The following GALNTL6 variants were observed in gnomAD, a reference collection of about 807,000 sequenced individuals.
The protein encoded by GALNTL6 is polypeptide N-acetylgalactosaminyltransferase like 6, also known as polypeptide N-acetylgalactosaminyltransferase-like 6.
In GALNTL6, 46 loss-of-function variants were observed where a neutral mutation model predicts 73.7. The observed-to-expected ratio is 0.62, with a 90% CI of 0.49 to 0.80. GALNTL6 has a LOEUF of 0.80. Ranked by LOEUF, GALNTL6 falls within the 30% of genes least tolerant of loss-of-function variation. GALNTL6 has a pLI of 0.00. For missense variants in GALNTL6, 604 were observed against 755.0 expected (o/e 0.80, Z 2.34); for synonymous variants, 259 against 263.7 (o/e 0.98, Z 0.17).
intron 2 of GALNTL6, among the ~76,000 whole-genome samples, chr4:171,957,150 C>G (rs1258020302): frequency 1.3e-5 from 2 of 152,162 alleles, no homozygotes; most frequent in East Asian, 3.9e-4. Context: ...TCTGACTTTA[C>G]TGAACAGACA....
At chr4:172,758,970 T>C (rs188253520) in intron 5 of GALNTL6, among the ~76,000 whole-genome samples, 31 of 152,334 alleles carry the variant, frequency 2.0e-4, no homozygotes, top group African/African-American at 6.5e-4. Flanking sequence ...TCCACTCCCT[T>C]ACTAATAGAT....
intron 2 of GALNTL6, among the ~76,000 whole-genome samples, chr4:172,188,746 G>T (rs1735487730): frequency 6.6e-6 from 1 of 152,296 alleles, no homozygotes; most frequent in East Asian, 1.9e-4. Flanking sequence ...AGGGTGGTGG[G>T]TGGAGCATTT....
intron 5 of GALNTL6, among the ~76,000 whole-genome samples, chr4:172,761,124 G>A (rs1011626445): frequency 1.3e-5 from 2 of 152,086 alleles, no homozygotes; most frequent in African/African-American, 4.8e-5. Context: ...CAATGATGTT[G>A]TCCCTTCTAT....
intron 7 of GALNTL6, among the ~76,000 whole-genome samples, chr4:172,816,971 G>A (rs1741637974): frequency 6.6e-6 from 1 of 151,956 alleles, no homozygotes; most frequent in South Asian, 2.1e-4. Flanking sequence ...GCCGGGCATG[G>A]TGGTGGGTGC....
intron 5 of GALNTL6, among the ~76,000 whole-genome samples, chr4:172,596,071 G>A (rs1479758294): frequency 6.6e-6 from 1 of 151,968 alleles, no homozygotes; most frequent in East Asian, 1.9e-4. Context: ...TTTTAAATAC[G>A]ACTTTTCTTT....
intron 2 of GALNTL6, among the ~76,000 whole-genome samples, chr4:172,129,799 A>G (rs1228527820): frequency 6.6e-6 from 1 of 152,184 alleles, no homozygotes; most frequent in Non-Finnish European, 1.5e-5. Context: ...AGAACTTGCC[A>G]AAGTAAGAGT....
chr4:172,984,969 AC>A (rs796841818), intron 10 of GALNTL6, among the ~76,000 whole-genome samples: 2 of 151,930 alleles, frequency 1.3e-5, no homozygotes, highest in Admixed American at 1.3e-4. Context: ...AAGAACCTGT[AC>A]CCCCCAAAAA....
intron 3 of GALNTL6, among the ~76,000 whole-genome samples, chr4:172,262,580 C>T (rs985872513): frequency 2.0e-5 from 3 of 151,462 alleles, no homozygotes; most frequent in Non-Finnish European, 3.0e-5. Context: ...GCCATTCTGC[C>T]ATTCTGTATC....
chr4:172,191,794 C>T (rs745821977), intron 2 of GALNTL6, among the ~76,000 whole-genome samples: 6 of 152,226 alleles, frequency 3.9e-5, no homozygotes, highest in African/African-American at 7.2e-5. Flanking sequence ...CTTGAAATTG[C>T]GATTTGCCTC....
chr4:172,434,847 A>C (rs1255349481), intron 5 of GALNTL6, among the ~76,000 whole-genome samples: 1 of 151,904 alleles, frequency 6.6e-6, no homozygotes, highest in Admixed American at 6.6e-5. Flanking sequence ...TTCTGATCTC[A>C]TTTCTGTGGC....
At chr4:172,178,274 C>A (rs1400729931) in intron 2 of GALNTL6, among the ~76,000 whole-genome samples, 3 of 152,054 alleles carry the variant, frequency 2.0e-5, no homozygotes, top group Admixed American at 2.0e-4. Context: ...TATTTGAGTT[C>A]TATTTTCTTT....
chr4:172,133,429 A>G (rs1343497182), intron 2 of GALNTL6, among the ~76,000 whole-genome samples: 2 of 152,268 alleles, frequency 1.3e-5, no homozygotes, highest in African/African-American at 2.4e-5. Flanking sequence ...TCATTTCAAC[A>G]TATTTATTGA....
At chr4:172,411,538 T>C (rs183760695) in intron 5 of GALNTL6, among the ~76,000 whole-genome samples, 20 of 152,070 alleles carry the variant, frequency 1.3e-4, no homozygotes, top group Admixed American at 1.3e-3. Context: ...TTTCACATAT[T>C]ACATGGAAGA....
chr4:172,162,502 T>A (rs1253751080), intron 2 of GALNTL6, among the ~76,000 whole-genome samples: 1 of 151,990 alleles, frequency 6.6e-6, no homozygotes, highest in East Asian at 1.9e-4. Flanking sequence ...TTCACTCATT[T>A]ATAAAATAAA....
At chr4:172,593,500 G>A (rs1023531210) in intron 5 of GALNTL6, among the ~76,000 whole-genome samples, 1 of 152,170 alleles carries the variant, frequency 6.6e-6, no homozygotes, top group Admixed American at 6.5e-5. Context: ...AATATGGAGA[G>A]AGAAAATTAT....
At chr4:172,885,937 G>T (rs1402254667) in intron 8 of GALNTL6, among the ~76,000 whole-genome samples, 1 of 152,032 alleles carries the variant, frequency 6.6e-6, no homozygotes, top group Non-Finnish European at 1.5e-5. Flanking sequence ...TCTTTTTAAT[G>T]TCTTATTGAA....
chr4:172,115,275 A>G (rs1732955743), intron 2 of GALNTL6, among the ~76,000 whole-genome samples: 1 of 152,148 alleles, frequency 6.6e-6, no homozygotes, highest in Admixed American at 6.6e-5. Flanking sequence ...AGCTGTTAAT[A>G]AGATATAAAA....
At chr4:172,085,153 C>A (rs1020341233) in intron 2 of GALNTL6, among the ~76,000 whole-genome samples, 1 of 151,922 alleles carries the variant, frequency 6.6e-6, no homozygotes, top group African/African-American at 2.4e-5. Flanking sequence ...TGATTAAGTA[C>A]AAATCATAGG....
At chr4:171,834,486 A>G (rs1173648242) in intron 2 of GALNTL6, among the ~76,000 whole-genome samples, 1 of 151,994 alleles carries the variant, frequency 6.6e-6, no homozygotes, top group Non-Finnish European at 1.5e-5. Flanking sequence ...AATTTAGGAT[A>G]CTGACCCTGG....
Sources: allele counts gnomAD v4.1 joint callset (sites outside exome capture counted in the v4.1 genomes callset), GRCh38; gene constraint gnomAD v4.1.1; transcripts MANE v1.5; gene names NCBI Gene and HGNC (gene_info 2026-07-23, HGNC 2026-07-21).